Variants in SEPTIN7 observed in about 807,000 individuals in gnomAD.
The protein encoded by SEPTIN7 is septin-7.
A neutral mutation model predicts 63.3 loss-of-function variants in SEPTIN7; 10 were observed. The observed-to-expected ratio is 0.16, with a 90% CI of 0.10 to 0.27. The LOEUF is 0.27. Ranked by LOEUF, SEPTIN7 falls within the 10% of genes least tolerant of loss-of-function variation. The pLI is 1.00. For missense variants in SEPTIN7, 310 were observed against 521.0 expected (o/e 0.59, Z 3.94); for synonymous variants, 131 against 165.3 (o/e 0.79, Z 1.59).
rs576532370 is a variant in SEPTIN7 at position 35,888,251 on chromosome 7, CAT to C, written c.872+2374_872+2375del. On this transcript the variant is annotated intron_variant, in intron 10 of 13. Coordinates refer to ENST00000350320, the MANE Select transcript of SEPTIN7 (RefSeq NM_001788.6). ...TTGAGAATGGAGGAGTGGGTTGAAT[CAT>C]AAAATGATAAAGTATATTTAAATGG... Among the ~76,000 whole-genome samples, 6 of 152,156 alleles carry C rather than the reference CAT, an allele frequency of 3.9e-5. No individual in the cohort carries two copies. The South Asian group carries it at 1.2e-3, about 32-fold the overall frequency.
chr7:35,891,724 A>T (rs1248146046), intron 11 of SEPTIN7, among the ~76,000 whole-genome samples: 1 of 152,150 alleles, frequency 6.6e-6, no homozygotes, highest in East Asian at 1.9e-4. Context: ...CTTAGGCTAT[A>T]CTAAATTTAT....
chr7:35,813,293 A>G lies in SEPTIN7; in HGVS notation c.61+12023A>G, dbSNP rs1300209842. ...AATCTTTTATATATTAAAAACTTTT[A>G]GGTCATCATTTTAGCACCTCCTTGG... is the stretch of plus-strand genomic sequence containing the variant. On this transcript the variant is annotated intron_variant, in intron 1 of 13. Transcript: ENST00000350320. Among the ~76,000 whole-genome samples the G allele has an allele frequency of 2.6e-5, 4 of 152,030 alleles. No individual in the cohort carries two copies. In the East Asian group the frequency reaches 5.8e-4, roughly 22 times the overall value.
intron 4 of SEPTIN7, among the ~76,000 whole-genome samples, chr7:35,865,009 G>A (rs762529003): frequency 2.0e-5 from 3 of 150,074 alleles, no homozygotes. Context: ...CCTTCTCAAT[G>A]TTTCTATTTT....
chr7:35,913,908 G>C, the SEPTIN7 span, among the ~76,000 whole-genome samples: 1 of 152,064 alleles, frequency 6.6e-6, no homozygotes, highest in Non-Finnish European at 1.5e-5. Context: ...AATATTGACC[G>C]CCATTTTAAA....
intron 6 of SEPTIN7, among the ~76,000 whole-genome samples, chr7:35,875,804 T>A (rs777996815): frequency 6.6e-6 from 1 of 152,152 alleles, no homozygotes; most frequent in African/African-American, 2.4e-5. Context: ...CAAAAAAAAT[T>A]TGTCATTTGC....
chr7:35,899,932 TTAAA>T (rs1788211261), intron 12 of SEPTIN7: 1 of 152,156 alleles, frequency 6.6e-6, no homozygotes, highest in East Asian at 1.9e-4. Context: ...TAAAATAGTT[TTAAA>T]ACAATCTTTA....
intron 11 of SEPTIN7, among the ~76,000 whole-genome samples, chr7:35,893,757 C>T (rs751760365): frequency 1.1e-4 from 17 of 151,874 alleles, no homozygotes; most frequent in Non-Finnish European, 1.8e-4. Flanking sequence ...TCTGTTACGT[C>T]AATAGCCCTA....
At chr7:35,863,425 C>G (rs1785622000) in intron 3 of SEPTIN7, 127 bp from the exon 4 acceptor site, 2 of 590,860 alleles carry the variant, frequency 3.4e-6, no homozygotes, top group African/African-American at 1.9e-5. Flanking sequence ...AGCATATTTT[C>G]TAATGTCATT....
chr7:35,837,020 G>A (rs1239626004), intron 3 of SEPTIN7, among the ~76,000 whole-genome samples: 1 of 151,948 alleles, frequency 6.6e-6, no homozygotes. Flanking sequence ...TTTTATCTTA[G>A]AAAAAGTAAT....
intron 1 of SEPTIN7, among the ~76,000 whole-genome samples, chr7:35,826,544 T>C (rs1264855228): frequency 1.3e-5 from 2 of 151,916 alleles, no homozygotes; most frequent in African/African-American, 2.4e-5. Flanking sequence ...AATTTGGGTG[T>C]GTTAAGGTAA....
At chr7:35,912,344 G>A in the SEPTIN7 span, among the ~76,000 whole-genome samples, 1 of 152,220 alleles carries the variant, frequency 6.6e-6, no homozygotes. Flanking sequence ...TGCCTAAAGG[G>A]CATGTTCCTG....
At chr7:35,811,578 C>T (rs1788708254) in intron 1 of SEPTIN7, among the ~76,000 whole-genome samples, 2 of 152,068 alleles carry the variant, frequency 1.3e-5, no homozygotes, top group Admixed American at 1.3e-4. Context: ...GGAAGTGGGG[C>T]TTAGAAGCTT....
chr7:35,809,986 G>T (rs1170864367), intron 1 of SEPTIN7, among the ~76,000 whole-genome samples: 2 of 152,128 alleles, frequency 1.3e-5, no homozygotes, highest in African/African-American at 4.8e-5. Flanking sequence ...GGTGAGTAAT[G>T]AGTCCAGAAT....
chr7:35,881,727 G>A (rs902373412), intron 7 of SEPTIN7, among the ~76,000 whole-genome samples: 1 of 151,816 alleles, frequency 6.6e-6, no homozygotes, highest in Non-Finnish European at 1.5e-5. Context: ...CCATTGGTTT[G>A]TTATGGGTTC....
At chr7:35,814,638 G>C (rs1788933570) in intron 1 of SEPTIN7, among the ~76,000 whole-genome samples, 1 of 152,044 alleles carries the variant, frequency 6.6e-6, no homozygotes. Flanking sequence ...GTGATTTTCT[G>C]TTACATGATT....
At chr7:35,835,103 G>A (rs1344684605) in intron 3 of SEPTIN7, among the ~76,000 whole-genome samples, 1 of 151,962 alleles carries the variant, frequency 6.6e-6, no homozygotes, top group African/African-American at 2.4e-5. Flanking sequence ...CATATTTTCT[G>A]TCTTAAAGGA....
chr7:35,839,943 C>G (rs1350931645), intron 3 of SEPTIN7, among the ~76,000 whole-genome samples: 1 of 152,100 alleles, frequency 6.6e-6, no homozygotes, highest in Non-Finnish European at 1.5e-5. Flanking sequence ...TTTAAACACA[C>G]AGAGTTTTGT....
At chr7:35,896,820 A>G (rs1787984518) in intron 11 of SEPTIN7, among the ~76,000 whole-genome samples, 1 of 152,244 alleles carries the variant, frequency 6.6e-6, no homozygotes, top group African/African-American at 2.4e-5. Flanking sequence ...TGATTTAAAC[A>G]ACATTTTATT....
chr7:35,845,547 G>A lies in SEPTIN7; in HGVS notation c.169+12647G>A, dbSNP rs536933211. The stretch of plus-strand genomic sequence containing the variant: ...TGAGAGTCAGATTTAAAAGATGGTT[G>A]AGAATTTATTCTTTTCCTTCTTAAA... On this transcript the variant is annotated intron_variant, in intron 3 of 13. Coordinates refer to ENST00000350320, the MANE Select transcript of SEPTIN7 (RefSeq NM_001788.6). Among the ~76,000 whole-genome samples, 52 of 152,260 alleles carry A rather than the reference G, an allele frequency of 3.4e-4. No individual in the cohort carries two copies. The South Asian group carries it at 0.01, about 30-fold the overall frequency.
Sources: gnomAD v4.1 joint callset for allele counts (sites outside exome capture counted in the v4.1 genomes callset) on GRCh38, gnomAD v4.1.1 for gene constraint, MANE v1.5 for transcripts, NCBI Gene and HGNC (gene_info 2026-07-23, HGNC 2026-07-21) for gene names.